The following PPM1A variants were observed in gnomAD, a reference collection of about 807,000 sequenced individuals.
The protein encoded by PPM1A is protein phosphatase 1A.
A neutral mutation model predicts 35.0 loss-of-function variants in PPM1A; 7 were observed. That is an observed-to-expected ratio of 0.20 (90% CI 0.11 to 0.38). The LOEUF is 0.38. Among genes scored for constraint, PPM1A ranks in the 10% least tolerant of loss-of-function variants. The pLI is 1.00. For missense variants in PPM1A, 239 were observed against 467.8 expected (o/e 0.51, Z 4.51); for synonymous variants, 153 against 167.3 (o/e 0.91, Z 0.66).
In PPM1A at chr14:60,249,245, G is replaced by A. The variant is rs993133652; in HGVS notation, c.-453G>A. 2.0e-6 allele frequency: 2 copies of A among 987,936 alleles called. No homozygotes were observed. Among genetic ancestry groups the A allele is most frequent in the Non-Finnish European group, 2.4e-6 (2 of 832,148 alleles). The allele number at this position is 987,936 out of a possible 1,614,324, so 61.2% of individuals were successfully genotyped here. On this transcript the variant is annotated 5_prime_UTR_variant, in exon 1 of 6. Transcript: ENST00000395076. This position sits in a 1 kb window ranked among gnomAD's most constrained non-coding sequence, Gnocchi z 4.5. Reference sequence around the variant, plus strand: ...TAGAGGCGGCGGCGGCGGCGGTGGCGGCGCTAGGGACGGGAGCGCGCGCGG... The same window carrying A: ...TAGAGGCGGCGGCGGCGGCGGTGGCAGCGCTAGGGACGGGAGCGCGCGCGG...
chr14:60,263,345 CCCTTGG>C (rs1259707849), intron 1 of PPM1A, among the ~76,000 whole-genome samples: 1 of 152,104 alleles, frequency 6.6e-6, no homozygotes, highest in African/African-American at 2.4e-5. Context: ...CTTCCCCTTT[CCCTTGG>C]CCTTTGTAGG....
upstream of PPM1A, chr14:60,246,018 G>A (rs753014508): frequency 3.8e-6 from 6 of 1,579,734 alleles, no homozygotes; most frequent in Non-Finnish European, 4.3e-6. Context: ...AAATGAAGAG[G>A]ATGTGTGAGA....
At chr14:60,279,510 A>C (rs1390898384) in intron 1 of PPM1A, among the ~76,000 whole-genome samples, 1 of 152,202 alleles carries the variant, frequency 6.6e-6, no homozygotes, top group East Asian at 1.9e-4. Flanking sequence ...ACCCGTGTTC[A>C]TTATTTTTAA....
intron 1 of PPM1A, among the ~76,000 whole-genome samples, chr14:60,251,864 A>G (rs1337485172): frequency 6.6e-6 from 1 of 151,430 alleles, no homozygotes; most frequent in East Asian, 2.0e-4. Flanking sequence ...TGGAGATTTC[A>G]TGGGAGACAA....
At chr14:60,255,755 G>A (rs989618962) in intron 1 of PPM1A, among the ~76,000 whole-genome samples, 1 of 152,198 alleles carries the variant, frequency 6.6e-6, no homozygotes, top group Non-Finnish European at 1.5e-5. Flanking sequence ...ATTTAAGTGT[G>A]AAGATTATAC....
chr14:60,247,157 G>A (rs1425844371), upstream of PPM1A, among the ~76,000 whole-genome samples: 1 of 152,118 alleles, frequency 6.6e-6, no homozygotes, highest in Non-Finnish European at 1.5e-5. Flanking sequence ...TTACTTGCCT[G>A]GAGTATTAAG....
At chr14:60,279,438 A>G (rs372866611) in intron 1 of PPM1A, among the ~76,000 whole-genome samples, 1 of 152,176 alleles carries the variant, frequency 6.6e-6, no homozygotes, top group Non-Finnish European at 1.5e-5. Flanking sequence ...TTTCAAATGC[A>G]GTTTACACAC....
intron 1 of PPM1A, among the ~76,000 whole-genome samples, chr14:60,281,849 T>A (rs1886440590): frequency 6.6e-6 from 1 of 152,184 alleles, no homozygotes; most frequent in Admixed American, 6.5e-5. Context: ...TACCTAATGG[T>A]CATAGAGTAT....
rs758821937 is a variant in PPM1A, at chr14:60,283,064, G to A, written c.361G>A (p.Gly121Ser). The A allele has an allele frequency of 8.1e-6, 13 of 1,614,090 alleles. No individual in the cohort carries two copies. Among genetic ancestry groups the A allele is most frequent in the African/African-American group, 1.3e-5 (1 of 74,926 alleles). ...GAGAGTTATGTCAGAGAAGAAACAT[G>A]GTGCAGATAGAAGTGGGTCAACAGC... ...HMRVMSEKKHGADRSGSTAVG... is the reference protein window; with the variant it reads ...HMRVMSEKKHSADRSGSTAVG... Residue 121 changes from glycine to serine, a missense_variant, in exon 2 of 6, where the codon GGT becomes AGT. Transcript: ENST00000395076. This position sits in a 1 kb window ranked among gnomAD's most constrained non-coding sequence, Gnocchi z 6.3.
rs1158834256 is a variant in PPM1A, at chr14:60,283,817, C to T, written c.834+280C>T. Among the ~76,000 whole-genome samples, 1 of 152,096 alleles carries T rather than the reference C, an allele frequency of 6.6e-6. No individual in the cohort carries two copies. The highest frequency in any genetic ancestry group is 2.4e-5 in the African/African-American group (1 of 41,396). On this transcript the variant is annotated intron_variant, in intron 2 of 5. Transcript: ENST00000395076. This position sits in a 1 kb window ranked among gnomAD's most constrained non-coding sequence, Gnocchi z 6.3. ...AAGGTAAAAAGATTTTATCAGAGTG[C>T]ATGTTTTGAAAGAAAGAGGGTGGGG... is the stretch of plus-strand genomic sequence containing the variant.
At position 60,294,506 on chromosome 14, in the gene PPM1A, G is replaced by A. The variant is rs937735243; in HGVS notation, c.*2024G>A. 6.6e-6 allele frequency: 1 copy of A among 151,806 alleles called. No homozygotes were observed. Among genetic ancestry groups the A allele is most frequent in the Non-Finnish European group, 1.5e-5 (1 of 67,830 alleles). 9.4% of individuals were successfully genotyped at this position (151,806 alleles called of 1,614,324 possible). A position where few individuals can be genotyped will look rare whatever the true frequency, so the allele number is the denominator to read the frequency against. ...AATGAATACCAGTGCTTCTAGTATA[G>A]ACTAATTACCAGACATACTGGTACT... On this transcript the variant is annotated 3_prime_UTR_variant, in exon 6 of 6. Transcript: ENST00000395076.
chr14:60,246,098 C>T, upstream of PPM1A: 2 of 1,484,554 alleles, frequency 1.3e-6, no homozygotes, highest in South Asian at 2.8e-5. Flanking sequence ...GGCTTTCTAA[C>T]TCTTGAGTAG....
Position 60,289,752 on chromosome 14 carries a change from T to C in PPM1A, c.953-54T>C. ...AGCTAGGTTATCTTTGTTTCGGTTT[T>C]CTTTTCAATTAAATTTGGATAACAC... On this transcript the variant is annotated intron_variant, in intron 3 of 5. Transcript: ENST00000395076. The surrounding 1 kb of genome is among the most constrained non-coding windows in gnomAD (Gnocchi z 4.1). The C allele has an allele frequency of 8.3e-7, 1 of 1,211,882 alleles. No homozygotes were observed. Among genetic ancestry groups the C allele is most frequent in the South Asian group, 1.3e-5 (1 of 77,628 alleles). 75.1% of individuals were successfully genotyped at this position (1,211,882 alleles called of 1,614,324 possible).
At chr14:60,250,407 TGAAA>T in intron 1 of PPM1A, 1 of 984,906 alleles carries the variant, frequency 1.0e-6, no homozygotes, top group Non-Finnish European at 1.2e-6. Flanking sequence ...AGCCTTTTCT[TGAAA>T]GACAGCTGGC....
upstream of PPM1A, among the ~76,000 whole-genome samples, chr14:60,246,892 C>T (rs145309933): frequency 1.6e-3 from 245 of 152,298 alleles, no homozygotes; most frequent in Non-Finnish European, 2.7e-3. Flanking sequence ...TTTTCTATTT[C>T]TCTCCCTCTT....
rs561345704 is a variant in PPM1A at position 60,286,257 on chromosome 14, C to G, written c.952+516C>G. 8 of 985,910 alleles carry G rather than the reference C, an allele frequency of 8.1e-6. No individual in the cohort carries two copies. In the African/African-American group the frequency reaches 1.2e-4, roughly 15 times the overall value. The allele number at this position is 985,910 out of a possible 1,614,324, so 61.1% of individuals were successfully genotyped here. A position where few individuals can be genotyped will look rare whatever the true frequency, so the allele number is the denominator to read the frequency against. On this transcript the variant is annotated intron_variant, in intron 3 of 5. Transcript: ENST00000395076. The stretch of plus-strand genomic sequence containing the variant: ...TTTAAACTGTTTCAGAGCTTCTTCC[C>G]TAAGCCATAAACTGTCTCACCTAAA...
rs564763695 is a variant in PPM1A at position 60,258,509 on chromosome 14, T to C, written c.-21+8832T>C. ...GTGCCATTTTTCAATAATGGGAGTG[T>C]GTATCTAATGATGTTGATAAACTTT... On this transcript the variant is annotated intron_variant, in intron 1 of 5. Coordinates refer to ENST00000395076, the MANE Select transcript of PPM1A (RefSeq NM_021003.5). Among the ~76,000 whole-genome samples, 19 of 152,268 alleles carry C rather than the reference T, an allele frequency of 1.2e-4. No individual in the cohort carries two copies. The South Asian group carries it at 3.9e-3, about 32-fold the overall frequency.
At chr14:60,268,290 C>T in intron 1 of PPM1A, 2 of 982,806 alleles carry the variant, frequency 2.0e-6, no homozygotes, top group Non-Finnish European at 2.4e-6. Flanking sequence ...CATATTGTTC[C>T]AGGTTTCTGG....
chr14:60,249,660 C>T lies in PPM1A; in HGVS notation c.-38C>T, dbSNP rs899146014. 3.0e-6 allele frequency: 3 copies of T among 984,714 alleles called. No individual in the cohort carries two copies. Among genetic ancestry groups the T allele is most frequent in the Non-Finnish European group, 3.6e-6 (3 of 829,794 alleles). The allele number at this position is 984,714 out of a possible 1,614,324, so 61.0% of individuals were successfully genotyped here. On this transcript the variant is annotated 5_prime_UTR_variant, in exon 1 of 6. Coordinates refer to ENST00000395076, the MANE Select transcript of PPM1A (RefSeq NM_021003.5). The surrounding 1 kb of genome is among the most constrained non-coding windows in gnomAD (Gnocchi z 4.5). The stretch of plus-strand genomic sequence containing the variant: ...CGCCTCGGCCGACCAGGGACCTGCC[C>T]GCCTGCGGCTGCTCCGGGTAAGTGC...
Sources: gnomAD v4.1 joint callset for allele counts (sites outside exome capture counted in the v4.1 genomes callset) on GRCh38, gnomAD v4.1.1 for gene constraint, Gnocchi (gnomAD v3.1) non-coding constraint, MANE v1.5 for transcripts, NCBI Gene and HGNC (gene_info 2026-07-23, HGNC 2026-07-21) for gene names.